Variants in KAT6A observed in about 807,000 individuals in gnomAD.
KAT6A encodes histone acetyltransferase KAT6A.
KAT6A carries 9 observed loss-of-function variants against 198.4 expected under a neutral mutation model. The observed-to-expected ratio is 0.05, with a 90% CI of 0.03 to 0.08. The LOEUF is 0.08. Among genes scored for constraint, KAT6A ranks in the 10% least tolerant of loss-of-function variants. KAT6A has a pLI of 1.00. For synonymous variants in KAT6A, 890 were observed against 883.0 expected, an observed-to-expected ratio of 1.01 and a Z score of -0.14; for missense variants, 2,077 against 2,509.9, an observed-to-expected ratio of 0.83 and a Z score of 3.69.
chr8:42,016,536 C>T (rs1826278472), intron 2 of KAT6A, among the ~76,000 whole-genome samples: 1 of 152,092 alleles, frequency 6.6e-6, no homozygotes, highest in South Asian at 2.1e-4. Flanking sequence ...AACATGTCCA[C>T]ATAAACATAA....
Position 41,978,663 on chromosome 8 carries a change from C to A in KAT6A, c.1022G>T (p.Arg341Met). Residue 341 changes from arginine to methionine, a missense_variant, in exon 6 of 17, where the codon AGG becomes ATG. Coordinates refer to ENST00000265713, the MANE Select transcript of KAT6A (RefSeq NM_006766.5). ...YTNPIGRPKN[R>M]LKKQNTVSKG... ...TTACACCGTGTTTTGTTTCTTTAAC[C>A]TGTTTTTTGGACGTCCTATTGGATT... is the stretch of plus-strand genomic sequence containing the variant. The A allele has an allele frequency of 6.2e-7, 1 of 1,613,898 alleles. No homozygotes were observed. Among genetic ancestry groups the A allele is most frequent in the Non-Finnish European group, 8.5e-7 (1 of 1,179,892 alleles).
intron 2 of KAT6A, among the ~76,000 whole-genome samples, chr8:42,028,509 T>C (rs1179213841): frequency 2.0e-5 from 3 of 152,242 alleles, no homozygotes; most frequent in Non-Finnish European, 4.4e-5. Context: ...CTTTTTGCAG[T>C]TTTCGACTTA....
chr8:42,016,831 C>G (rs767271948), intron 2 of KAT6A, among the ~76,000 whole-genome samples: 1 of 151,952 alleles, frequency 6.6e-6, no homozygotes, highest in Non-Finnish European at 1.5e-5. Flanking sequence ...AAAAACTTAA[C>G]AAACACAGTT....
chr8:42,037,454 G>C (rs938511971), intron 2 of KAT6A, among the ~76,000 whole-genome samples: 16 of 152,166 alleles, frequency 1.1e-4, no homozygotes, highest in African/African-American at 3.4e-4. Context: ...AAACTCAGGA[G>C]TTAAATGCTT....
chr8:42,049,018 T>C lies in KAT6A; in HGVS notation c.-41A>G, dbSNP rs1353173107. 1 of 1,568,168 alleles carries C rather than the reference T, an allele frequency of 6.4e-7. No homozygotes were observed. Among genetic ancestry groups the C allele is most frequent in the Non-Finnish European group, 8.6e-7 (1 of 1,161,534 alleles). ...ATATCCATAGAGTCGTTATCCCTTA[T>C]CCTGATGCTGAGTAAGTTTTACACC... On this transcript the variant is annotated 5_prime_UTR_variant, in exon 2 of 17. Transcript: ENST00000265713.
chr8:41,994,818 G>C (rs1443448034), intron 2 of KAT6A, among the ~76,000 whole-genome samples: 1 of 152,080 alleles, frequency 6.6e-6, no homozygotes, highest in African/African-American at 2.4e-5. Context: ...AGCACTTTGG[G>C]AGGCTGAGGC....
chr8:42,024,442 T>C (rs1235126613), intron 2 of KAT6A, among the ~76,000 whole-genome samples: 1 of 152,242 alleles, frequency 6.6e-6, no homozygotes, highest in Non-Finnish European at 1.5e-5. Context: ...TTATCATTTG[T>C]GTTGGTTAAC....
In KAT6A at chr8:41,933,793, G is replaced by T. The variant is rs757828862; in HGVS notation, c.4427C>A (p.Ala1476Glu). The T allele has an allele frequency of 3.1e-6, 5 of 1,614,054 alleles. No individual in the cohort carries two copies. The highest frequency in any genetic ancestry group is 4.2e-6 in the Non-Finnish European group (5 of 1,179,998). Residue 1476 changes from alanine to glutamate, a missense_variant, in exon 17 of 17, where the codon GCG becomes GAG. Ala to Glu is a moderately radical substitution (Grantham distance 107). Around this residue, in one of 13 missense-constraint regions of KAT6A, gnomAD observed 178 missense variants for 220.8 expected, o/e 0.81. Transcript: ENST00000265713. The surrounding 1 kb of genome is among the most constrained non-coding windows in gnomAD (Gnocchi z 6.2). ...PQMSMVEDCH[A>E]SEHNSPISSV... Reference sequence around the variant, plus strand: ...GGAGATAGGGCTATTATGTTCTGACGCATGACAGTCTTCAACCATGGACAT... The same window carrying T: ...GGAGATAGGGCTATTATGTTCTGACTCATGACAGTCTTCAACCATGGACAT...
intron 2 of KAT6A, among the ~76,000 whole-genome samples, chr8:42,029,060 T>C (rs1378682029): frequency 3.3e-5 from 5 of 152,188 alleles, no homozygotes; most frequent in Non-Finnish European, 5.9e-5. Flanking sequence ...AAAGACAGCT[T>C]TGTTAGGTGT....
chr8:41,956,352 G>C (rs1029800835), intron 8 of KAT6A, among the ~76,000 whole-genome samples: 3 of 152,192 alleles, frequency 2.0e-5, no homozygotes, highest in African/African-American at 7.2e-5. Context: ...AAAGACAAAA[G>C]AGTTTAGCCT....
Position 41,934,209 on chromosome 8 carries a change from C to T in KAT6A, c.4011G>A (p.Thr1337=), listed in dbSNP as rs755898071. The change falls in exon 17 of 17, where the codon ACG becomes ACA. Residue 1337 remains threonine, a synonymous_variant. Transcript: ENST00000265713. ...TKKKELEEQP[T]REDVKEEPGV... is the part of the protein sequence containing the mutation. ...CAGGCTCCTCCTTGACATCTTCCCT[C>T]GTGGGCTGTTCCTCTAGCTCCTTTT... The T allele has an allele frequency of 6.2e-6, 10 of 1,614,048 alleles. No homozygotes were observed. Among genetic ancestry groups the T allele is most frequent in the East Asian group, 4.5e-5 (2 of 44,896 alleles).
Position 41,977,217 on chromosome 8 carries a change from T to C in KAT6A, c.1154A>G (p.Glu385Gly). The C allele has an allele frequency of 6.2e-7, 1 of 1,614,206 alleles. No individual in the cohort carries two copies. Among genetic ancestry groups the C allele is most frequent in the Non-Finnish European group, 8.5e-7 (1 of 1,180,018 alleles). Residue 385 changes from glutamate (E) to glycine (G), a missense_variant, in exon 7 of 17, where the codon GAG becomes GGG. Glu to Gly is a moderately conservative substitution (Grantham distance 98). Around this residue, in one of 13 missense-constraint regions of KAT6A, gnomAD observed 206 missense variants for 214.9 expected, o/e 0.96. Transcript: ENST00000265713. ...GCAGAAGTCCAAGCCATCTATCCGC[T>C]CTAAATATCCTTCTTCTGATGATGA... ...ASSSSEEGYL[E>G]RIDGLDFCRD...
At position 42,049,169 on chromosome 8, in the gene KAT6A, C is replaced by G. The variant is rs114254134; in HGVS notation, c.-192G>C. 3.0e-3 allele frequency: 1,677 copies of G among 561,196 alleles called. 22 individuals are homozygous for G. The highest frequency in any genetic ancestry group is 0.029 in the African/African-American group (1,551 of 53,486). The allele number at this position is 561,196 out of a possible 1,614,324, so 34.8% of individuals were successfully genotyped here. On this transcript the variant is annotated 5_prime_UTR_variant, in exon 2 of 17. Transcript: ENST00000265713. ...AATTGTACTATAGAAACCAAAACAA[C>G]CTGTTGATTGAAATGTCTTCCAACT... is the stretch of plus-strand genomic sequence containing the variant.
rs1349712014 is a variant in KAT6A at position 41,933,236 on chromosome 8, G to A, written c.4984C>T (p.Pro1662Ser). The change falls in exon 17 of 17, where the codon CCG (proline) becomes TCG (serine). Residue 1662 changes from proline (P) to serine (S), a missense_variant. Physicochemically the swap from Pro to Ser is moderately conservative, Grantham distance 74. Around this residue, in one of 13 missense-constraint regions of KAT6A, gnomAD observed 500 missense variants for 577.2 expected, o/e 0.87. Transcript: ENST00000265713. The surrounding 1 kb of genome is among the most constrained non-coding windows in gnomAD (Gnocchi z 6.2). ...GGTGCTGGTTGTGGTTGTGGCGGCG[G>A]CGGCTGTGGCTGCTGTGGAGGCGGT... ...PPPPPQQPQPPPPQPQPAPQP... is the reference protein window; with the variant it reads ...PPPPPQQPQPSPPQPQPAPQP... 6.4e-7 allele frequency: 1 copy of A among 1,551,506 alleles called. No homozygotes were observed. Among genetic ancestry groups the A allele is most frequent in the Non-Finnish European group, 8.7e-7 (1 of 1,153,234 alleles).
Position 42,025,263 on chromosome 8 carries a change from G to A in KAT6A, c.600+23115C>T, listed in dbSNP as rs970321911. ...TTTCCCTCTTGTTGCCCAGGCTGGAGTGCAGTGGCATGATCTCGGCTCACT... is the reference window on the plus strand; with the variant it reads ...TTTCCCTCTTGTTGCCCAGGCTGGAATGCAGTGGCATGATCTCGGCTCACT... On this transcript the variant is annotated intron_variant, in intron 2 of 16. Transcript: ENST00000265713. Among the ~76,000 whole-genome samples the A allele has an allele frequency of 2.6e-5, 4 of 152,156 alleles. No homozygotes were observed. In the South Asian group the frequency reaches 8.3e-4, roughly 32 times the overall value.
intron 2 of KAT6A, among the ~76,000 whole-genome samples, chr8:42,013,934 G>C (rs1826139872): frequency 6.6e-6 from 1 of 152,170 alleles, no homozygotes; most frequent in Non-Finnish European, 1.5e-5. Flanking sequence ...TGAGGTCACA[G>C]GGTCTCTGTT....
rs1335203061 is a variant in KAT6A, at chr8:41,934,813, G to A, written c.3407C>T (p.Ser1136Phe). ...SLLRKRDVKN[S>F]PLEPDTSTPL... ...TGTGGATGTATCTGGCTCAAGAGGA[G>A]AATTCTTCACATCACGTTTTCGCAA... The change falls in exon 17 of 17, where the codon TCT becomes TTT. Residue 1136 changes from serine (S) to phenylalanine (F), a missense_variant. Ser to Phe is a radical substitution (Grantham distance 155). Transcript: ENST00000265713. 3 of 1,613,484 alleles carry A rather than the reference G, an allele frequency of 1.9e-6. No homozygotes were observed. Among genetic ancestry groups the A allele is most frequent in the Non-Finnish European group, 2.5e-6 (3 of 1,179,918 alleles).
chr8:41,937,674 G>A, intron 15 of KAT6A, 106 bp from the exon 16 acceptor site: 8 of 862,498 alleles, frequency 9.3e-6, no homozygotes, highest in Non-Finnish European at 8.6e-6. Context: ...TATAAAATGA[G>A]GATGTTGTTT....
At chr8:42,031,351 GCATTTCT>G (rs1827113143) in intron 2 of KAT6A, among the ~76,000 whole-genome samples, 1 of 152,104 alleles carries the variant, frequency 6.6e-6, no homozygotes, top group South Asian at 2.1e-4. Context: ...GAGGTATCAA[GCATTTCT>G]AGAATACATC....
Sources: allele counts gnomAD v4.1 joint callset (sites outside exome capture counted in the v4.1 genomes callset), GRCh38; gene constraint gnomAD v4.1.1; regional missense constraint gnomAD v4.1.1; non-coding constraint Gnocchi (gnomAD v3.1); transcripts MANE v1.5; gene names NCBI Gene and HGNC (gene_info 2026-07-23, HGNC 2026-07-21).